Variants in ANO3 observed in about 807,000 individuals in gnomAD.
The protein encoded by ANO3 is anoctamin 3, also known as anoctamin-3.
Under a neutral mutation model 144.8 loss-of-function variants are expected in ANO3, and 99 were observed. That is an observed-to-expected ratio of 0.68 (90% CI 0.58 to 0.81). The LOEUF (loss-of-function observed/expected upper bound fraction) is 0.81, where lower values mean the gene tolerates loss of function less well. ANO3 is among the 30% of genes least tolerant of loss of function. The pLI, the probability that ANO3 is intolerant of heterozygous loss-of-function variation, is 0.00. For missense variants in ANO3, 905 were observed against 1,202.2 expected, an observed-to-expected ratio of 0.75 and a Z score of 3.66; for synonymous variants, 414 against 392.6, an observed-to-expected ratio of 1.05 and a Z score of -0.64.
intron 7 of ANO3, among the ~76,000 whole-genome samples, chr11:26,526,420 C>A (rs1348211569): frequency 6.6e-6 from 1 of 152,050 alleles, no homozygotes; most frequent in Non-Finnish European, 1.5e-5. Flanking sequence ...TGCCAAAGAA[C>A]CAGTTAACAA....
chr11:26,604,911 T>G (rs76385266), intron 17 of ANO3, among the ~76,000 whole-genome samples: 1 of 152,088 alleles, frequency 6.6e-6, no homozygotes, highest in Non-Finnish European at 1.5e-5. Context: ...CTTTGTTTCA[T>G]TGTTTTGCCT....
At chr11:26,458,092 A>G (rs1859236845) in intron 3 of ANO3, among the ~76,000 whole-genome samples, 1 of 152,072 alleles carries the variant, frequency 6.6e-6, no homozygotes, top group South Asian at 2.1e-4. Context: ...ATTTAGTGCT[A>G]TTGCTTAAAC....
chr11:26,469,721 T>C (rs1335618331), intron 4 of ANO3, among the ~76,000 whole-genome samples: 41 of 151,954 alleles, frequency 2.7e-4, no homozygotes, highest in Admixed American at 2.7e-3. Context: ...TAAGATGTGG[T>C]GATCAGCTCA....
At chr11:26,486,447 T>G (rs1286578144) in intron 4 of ANO3, among the ~76,000 whole-genome samples, 2 of 152,052 alleles carry the variant, frequency 1.3e-5, no homozygotes, top group African/African-American at 2.4e-5. Flanking sequence ...ATATTGGCTA[T>G]AGCCATGTTT....
chr11:26,653,918 T>G (rs1259971612), intron 24 of ANO3, among the ~76,000 whole-genome samples: 1 of 152,182 alleles, frequency 6.6e-6, no homozygotes, highest in African/African-American at 2.4e-5. Context: ...CACCATTTCT[T>G]GAAAAGACAA....
chr11:26,229,584 G>C (rs1852344955), intron 1 of ANO3, among the ~76,000 whole-genome samples: 1 of 152,160 alleles, frequency 6.6e-6, no homozygotes, highest in Non-Finnish European at 1.5e-5. Context: ...GCATATGCTA[G>C]TTAGATTTCC....
At chr11:26,577,722 T>C (rs949978568) in intron 14 of ANO3, among the ~76,000 whole-genome samples, 14 of 152,188 alleles carry the variant, frequency 9.2e-5, no homozygotes, top group Admixed American at 3.3e-4. Flanking sequence ...TACAAATCGA[T>C]AGTAGATGGA....
chr11:26,394,524 A>G (rs1383418515), intron 1 of ANO3, among the ~76,000 whole-genome samples: 1 of 151,842 alleles, frequency 6.6e-6, no homozygotes, highest in Admixed American at 6.6e-5. Context: ...AATGTCTTCA[A>G]TAATAGGAGA....
chr11:26,270,407 T>C (rs12223851), intron 1 of ANO3, among the ~76,000 whole-genome samples: 6,533 of 152,254 alleles, frequency 0.043, 199 homozygotes, highest in East Asian at 0.12. Flanking sequence ...TCTTCTACTT[T>C]AGTTACAGTG....
intron 1 of ANO3, among the ~76,000 whole-genome samples, chr11:26,360,148 G>GTTTTTTTT (rs5790574): frequency 7.4e-6 from 1 of 135,972 alleles, no homozygotes. Context: ...CTTTTTATAA[G>GTTTTTTTT]TTTTTTTTTC....
chr11:26,290,053 G>A (rs559926192), intron 1 of ANO3, among the ~76,000 whole-genome samples: 180 of 152,078 alleles, frequency 1.2e-3, no homozygotes, highest in Non-Finnish European at 2.0e-3. Flanking sequence ...ACTTTTTTTA[G>A]TTGGTAGGCT....
intron 4 of ANO3, among the ~76,000 whole-genome samples, chr11:26,469,210 A>G (rs73447718): frequency 0.073 from 11,081 of 151,962 alleles, 684 homozygotes; most frequent in African/African-American, 0.16. Context: ...AATGGTGAAG[A>G]CTTGTTCTAC....
At chr11:26,258,329 C>T (rs1221857261) in intron 1 of ANO3, among the ~76,000 whole-genome samples, 2 of 152,142 alleles carry the variant, frequency 1.3e-5, no homozygotes, top group African/African-American at 4.8e-5. Flanking sequence ...GTATTCACAA[C>T]ACATTTACTA....
At chr11:26,545,557 CA>C (rs1211009425) in intron 11 of ANO3, among the ~76,000 whole-genome samples, 1 of 151,906 alleles carries the variant, frequency 6.6e-6, no homozygotes, top group African/African-American at 2.4e-5. Flanking sequence ...TAAAAAATTA[CA>C]CAATAGGTAT....
intron 20 of ANO3, 47 bp from the exon 21 acceptor site, chr11:26,639,097 A>G: frequency 7.7e-7 from 1 of 1,303,766 alleles, no homozygotes; most frequent in South Asian, 1.2e-5. Flanking sequence ...GTCTGAGCCT[A>G]CTGGGAAGAA....
chr11:26,191,123 A>C (rs1851466616), intron 1 of ANO3, among the ~76,000 whole-genome samples: 1 of 152,058 alleles, frequency 6.6e-6, no homozygotes, highest in Non-Finnish European at 1.5e-5. Context: ...CTAAAAATAC[A>C]AAATTAGCCA....
chr11:26,297,763 C>T (rs1331054239), intron 1 of ANO3, among the ~76,000 whole-genome samples: 1 of 152,166 alleles, frequency 6.6e-6, no homozygotes, highest in East Asian at 1.9e-4. Flanking sequence ...CCAAGAACTC[C>T]ATGTGTATCA....
At chr11:26,438,594 AAAAAAAAAAAAAAAG>A (rs1172842576) in intron 1 of ANO3, among the ~76,000 whole-genome samples, 199 of 131,062 alleles carry the variant, frequency 1.5e-3, no homozygotes, top group Non-Finnish European at 2.5e-3. Context: ...TAAAAATACA[AAAAAAAAAAAAAAAG>A]AAAAAAAAAA....
chr11:26,314,900 G>A (rs1854585137), intron 1 of ANO3, among the ~76,000 whole-genome samples: 1 of 152,088 alleles, frequency 6.6e-6, no homozygotes, highest in South Asian at 2.1e-4. Context: ...CTCCCAAACT[G>A]AGAAGCATGC....
Sources: gnomAD v4.1 joint callset for allele counts (sites outside exome capture counted in the v4.1 genomes callset) on GRCh38, gnomAD v4.1.1 for gene constraint, MANE v1.5 for transcripts, NCBI Gene and HGNC (gene_info 2026-07-23, HGNC 2026-07-21) for gene names.